Variants in INAVA observed in about 807,000 individuals in gnomAD.
The protein encoded by INAVA is innate immunity activator, also known as innate immunity activator protein.
INAVA carries 32 observed loss-of-function variants against 55.3 expected under a neutral mutation model. The observed-to-expected ratio is 0.58, with a 90% CI of 0.44 to 0.78. The LOEUF is 0.78. Ranked by LOEUF, INAVA falls within the 30% of genes least tolerant of loss-of-function variation. The pLI is 0.00. For missense variants in INAVA, 756 were observed against 786.4 expected (o/e 0.96, Z 0.46); for synonymous variants, 294 against 329.4 (o/e 0.89, Z 1.16).
chr1:200,913,879 T>C lies in INAVA; in HGVS notation c.*250T>C. ...CCCCCAGAGTTTGGCCTACTGGACT[T>C]AAGGCCTTGCCTGTCTGACTGACAG... On this transcript the variant is annotated 3_prime_UTR_variant, in exon 10 of 10. Transcript: ENST00000413687. 1 of 475,934 alleles carries C rather than the reference T, an allele frequency of 2.1e-6. No homozygotes were observed. Among genetic ancestry groups the C allele is most frequent in the South Asian group, 3.0e-5 (1 of 32,914 alleles). 29.5% of individuals were successfully genotyped at this position (475,934 alleles called of 1,614,324 possible).
At chr1:200,900,265 C>G in intron 4 of INAVA, 45 bp downstream of exon 4, 1 of 1,533,600 alleles carries the variant, frequency 6.5e-7, no homozygotes, top group African/African-American at 1.4e-5. Context: ...ATCCCCAAAG[C>G]TGATCACTGA....
chr1:200,892,477 T>C (rs946284898), upstream of INAVA, among the ~76,000 whole-genome samples: 11 of 152,218 alleles, frequency 7.2e-5, no homozygotes, highest in African/African-American at 2.7e-4. Context: ...CTCGGGACTT[T>C]TCCTCAGGAA....
chr1:200,896,733 T>A (rs1438029417), intron 1 of INAVA, among the ~76,000 whole-genome samples: 1 of 152,208 alleles, frequency 6.6e-6, no homozygotes, highest in African/African-American at 2.4e-5. Flanking sequence ...TGGAGAGGTA[T>A]CACCAGGGAC....
At chr1:200,899,743 A>G (rs1653149516) in intron 3 of INAVA, 146 bp downstream of exon 3, 4 of 1,229,562 alleles carry the variant, frequency 3.3e-6, no homozygotes, top group Non-Finnish European at 4.5e-6. Context: ...CAGAGTCCCC[A>G]TGATGCAGTG....
At chr1:200,899,022 T>A (rs770656730) in intron 2 of INAVA, among the ~76,000 whole-genome samples, 2 of 152,184 alleles carry the variant, frequency 1.3e-5, no homozygotes, top group South Asian at 4.1e-4. Context: ...CTTGCCTCTC[T>A]GTTTGGCCAG....
chr1:200,914,518 T>C lies in INAVA; in HGVS notation c.*889T>C, dbSNP rs1653871405. The stretch of plus-strand genomic sequence containing the variant: ...CCCAGGCTGGAATGCTGTAGCAAGA[T>C]TTCGGCTCACTGCAACCCCCGTCTC... On this transcript the variant is annotated 3_prime_UTR_variant, in exon 10 of 10. Coordinates refer to ENST00000413687, the MANE Select transcript of INAVA (RefSeq NM_001142569.3). 6.6e-6 allele frequency: 1 copy of C among 152,294 alleles called. No homozygotes were observed. The highest frequency in any genetic ancestry group is 1.5e-5 in the Non-Finnish European group (1 of 68,096). 9.4% of individuals were successfully genotyped at this position (152,294 alleles called of 1,614,324 possible).
At chr1:200,911,329 A>G (rs1413975997) in intron 8 of INAVA, 124 bp from the exon 9 acceptor site, 2 of 928,642 alleles carry the variant, frequency 2.2e-6, no homozygotes, top group East Asian at 2.4e-5. Context: ...AGACCCTTGC[A>G]CGAGGGCCAT....
In INAVA at chr1:200,896,120, C is replaced by T. The variant is rs1298915580; in HGVS notation, c.-95+1033C>T. The stretch of plus-strand genomic sequence containing the variant: ...GTCCCTGTAAGTCCCCACTCCTCTG[C>T]AACAGTCTCAGAGCCCCTGAGAAGC... On this transcript the variant is annotated intron_variant, in intron 1 of 9. Transcript: ENST00000413687. 2.0e-5 allele frequency among the ~76,000 whole-genome samples: 3 copies of T among 152,272 alleles called. No homozygotes were observed. In the East Asian group the frequency reaches 5.8e-4, roughly 29 times the overall value.
At chr1:200,904,660 C>T (rs1185948699) in intron 5 of INAVA, among the ~76,000 whole-genome samples, 3 of 151,956 alleles carry the variant, frequency 2.0e-5, no homozygotes, top group African/African-American at 4.8e-5. Context: ...GGCAGGGGAA[C>T]GCTGAGCTAG....
At chr1:200,896,025 G>A (rs773442673) in intron 1 of INAVA, among the ~76,000 whole-genome samples, 2 of 152,112 alleles carry the variant, frequency 1.3e-5, no homozygotes, top group African/African-American at 4.8e-5. Flanking sequence ...GATGCTGGCA[G>A]TCAGAGACTG....
At chr1:200,908,014 C>T (rs1041335068) in intron 6 of INAVA, 127 bp downstream of exon 6, 13 of 661,100 alleles carry the variant, frequency 2.0e-5, no homozygotes, top group African/African-American at 8.9e-5. Flanking sequence ...TTAGGGTTTC[C>T]GCTTGGACTT....
chr1:200,903,803 CAA>C (rs35993705), intron 5 of INAVA, among the ~76,000 whole-genome samples: 80 of 89,904 alleles, frequency 8.9e-4, no homozygotes, highest in Middle Eastern at 0.013. Context: ...AACTCTGTCT[CAA>C]AAAAAAAAAA....
At chr1:200,892,854 C>T (rs139474533), upstream of INAVA, among the ~76,000 whole-genome samples, 3 of 152,278 alleles carry the variant, frequency 2.0e-5, no homozygotes, top group East Asian at 3.9e-4. Flanking sequence ...AAATATTGAG[C>T]GTGAATTTGG....
At chr1:200,910,332 T>TA (rs1653662549) in intron 8 of INAVA, among the ~76,000 whole-genome samples, 1 of 152,174 alleles carries the variant, frequency 6.6e-6, no homozygotes, top group African/African-American at 2.4e-5. Flanking sequence ...GTTTAGCAAC[T>TA]AGGAAAATTA....
At chr1:200,900,050 G>A (rs1408549062) in intron 3 of INAVA, 54 bp from the exon 4 acceptor site, 5 of 1,486,952 alleles carry the variant, frequency 3.4e-6, no homozygotes, top group African/African-American at 1.4e-5. Flanking sequence ...AGGGGCCAGT[G>A]AGCCAAGTCT....
intron 5 of INAVA, among the ~76,000 whole-genome samples, chr1:200,905,931 A>C (rs889734824): frequency 3.3e-5 from 5 of 152,186 alleles, no homozygotes; most frequent in Non-Finnish European, 7.3e-5. Context: ...CTCCAGTCAG[A>C]CTGTCTGGGT....
At chr1:200,911,406 G>T in intron 8 of INAVA, 47 bp from the exon 9 acceptor site, 1 of 1,544,186 alleles carries the variant, frequency 6.5e-7, no homozygotes. Context: ...ACCCCAGTGT[G>T]GAGTTTCTGC....
intron 5 of INAVA, among the ~76,000 whole-genome samples, chr1:200,907,518 G>A (rs889702296): frequency 5.9e-5 from 9 of 152,062 alleles, no homozygotes; most frequent in African/African-American, 1.7e-4. Flanking sequence ...ATTTAGCTGG[G>A]TGTGCTGGCA....
At chr1:200,897,897 C>T (rs764760395) in intron 1 of INAVA, among the ~76,000 whole-genome samples, 2 of 152,214 alleles carry the variant, frequency 1.3e-5, no homozygotes, top group Non-Finnish European at 2.9e-5. Context: ...GCTGGGATTA[C>T]AGGCGTGAGC....
Sources: allele counts gnomAD v4.1 joint callset (sites outside exome capture counted in the v4.1 genomes callset), GRCh38; gene constraint gnomAD v4.1.1; transcripts MANE v1.5; gene names NCBI Gene and HGNC (gene_info 2026-07-23, HGNC 2026-07-21).